SPATA17: variants seen among roughly 807,000 people sequenced by gnomAD.
SPATA17 encodes the protein spermatogenesis-associated protein 17.
Under a neutral mutation model 62.2 loss-of-function variants are expected in SPATA17, and 53 were observed. That is an observed-to-expected ratio of 0.85 (90% CI 0.68 to 1.07). The LOEUF (loss-of-function observed/expected upper bound fraction) is 1.07. Among genes scored for constraint, SPATA17 ranks in the 50% least tolerant of loss-of-function variants. The pLI is 0.00. For synonymous variants in SPATA17, 146 were observed against 146.8 expected (o/e 0.99, Z 0.04); for missense variants, 466 against 425.5 (o/e 1.10, Z -0.84).
intron 8 of SPATA17, among the ~76,000 whole-genome samples, chr1:217,794,165 T>A (rs1674077527): frequency 6.6e-6 from 1 of 151,370 alleles, no homozygotes; most frequent in Non-Finnish European, 1.5e-5. Flanking sequence ...CTAAAAAGGA[T>A]ATCTAGGATT....
intron 9 of SPATA17, 71 bp downstream of exon 9, chr1:217,801,921 T>C: frequency 7.1e-7 from 1 of 1,399,692 alleles, no homozygotes; most frequent in South Asian, 1.3e-5. Context: ...TTAGAGCAAA[T>C]ATAAATATTC....
At chr1:217,814,947 A>C (rs538567515) in intron 9 of SPATA17, among the ~76,000 whole-genome samples, 2 of 152,188 alleles carry the variant, frequency 1.3e-5, no homozygotes, top group Non-Finnish European at 2.9e-5. Context: ...TAAATTCTTC[A>C]TCTGACAAAG....
At chr1:217,719,636 A>T (rs1672080004) in intron 5 of SPATA17, among the ~76,000 whole-genome samples, 1 of 152,234 alleles carries the variant, frequency 6.6e-6, no homozygotes, top group Non-Finnish European at 1.5e-5. Flanking sequence ...AACTGAGAAA[A>T]TATAATATGA....
chr1:217,805,128 C>T (rs1031914286), intron 9 of SPATA17, among the ~76,000 whole-genome samples: 1 of 152,140 alleles, frequency 6.6e-6, no homozygotes, highest in African/African-American at 2.4e-5. Context: ...TGGAATCAAA[C>T]AAATTATTCA....
At chr1:217,834,660 G>A (rs4846443) in intron 9 of SPATA17, among the ~76,000 whole-genome samples, 44,524 of 152,038 alleles carry the variant, frequency 0.29, 7,747 homozygotes, top group Non-Finnish European at 0.38. Flanking sequence ...TTAGAAAAGA[G>A]TGAAAAGTTA....
chr1:217,743,960 A>G (rs1672685535), intron 6 of SPATA17, among the ~76,000 whole-genome samples: 1 of 152,004 alleles, frequency 6.6e-6, no homozygotes, highest in Non-Finnish European at 1.5e-5. Flanking sequence ...TGTTTTTTTC[A>G]AGGTTGTTGA....
At chr1:217,655,584 C>T (rs1000529159) in intron 3 of SPATA17, among the ~76,000 whole-genome samples, 2 of 152,160 alleles carry the variant, frequency 1.3e-5, no homozygotes, top group African/African-American at 4.8e-5. Context: ...TATAGATCTT[C>T]AACAGTGATT....
intron 8 of SPATA17, among the ~76,000 whole-genome samples, chr1:217,793,874 G>A (rs991157774): frequency 3.3e-5 from 5 of 152,006 alleles, no homozygotes; most frequent in Admixed American, 3.3e-4. Flanking sequence ...TCAGCACTTT[G>A]GAAGGCCGCG....
chr1:217,827,729 G>T (rs1454428929), intron 9 of SPATA17, among the ~76,000 whole-genome samples: 2 of 152,228 alleles, frequency 1.3e-5, no homozygotes, highest in East Asian at 1.9e-4. Flanking sequence ...CATGTCCTTT[G>T]CAGGGACATG....
At chr1:217,688,271 A>T (rs1194011172) in intron 5 of SPATA17, among the ~76,000 whole-genome samples, 2 of 152,146 alleles carry the variant, frequency 1.3e-5, no homozygotes, top group Non-Finnish European at 2.9e-5. Context: ...ATTTTTTAAA[A>T]AACTGGTTAT....
At chr1:217,750,350 A>T (rs922765486) in intron 6 of SPATA17, among the ~76,000 whole-genome samples, 2 of 152,024 alleles carry the variant, frequency 1.3e-5, no homozygotes, top group Admixed American at 1.3e-4. Context: ...AATGGACATA[A>T]AATTGGTAAG....
At chr1:217,850,476 G>A in intron 9 of SPATA17, 1 of 1,249,254 alleles carries the variant, frequency 8.0e-7, no homozygotes. Flanking sequence ...AAAGAGTACA[G>A]CCTCTTCTAG....
chr1:217,651,312 T>A, intron 3 of SPATA17, 134 bp downstream of exon 3: 1 of 619,604 alleles, frequency 1.6e-6, no homozygotes, highest in South Asian at 2.9e-5. Flanking sequence ...TTGGGCTTAA[T>A]TTTTAGTATG....
chr1:217,647,413 G>A (rs1193641055), intron 1 of SPATA17, among the ~76,000 whole-genome samples: 4 of 152,224 alleles, frequency 2.6e-5, no homozygotes, highest in Non-Finnish European at 5.9e-5. Context: ...CCTTTGGTAA[G>A]ACAAAGTTGA....
At chr1:217,845,966 A>G (rs1384147849) in intron 9 of SPATA17, among the ~76,000 whole-genome samples, 2 of 152,112 alleles carry the variant, frequency 1.3e-5, no homozygotes, top group East Asian at 3.9e-4. Context: ...ACATTAATAT[A>G]AGATTTCTTG....
intron 1 of SPATA17, among the ~76,000 whole-genome samples, chr1:217,647,231 A>G (rs1670202663): frequency 6.6e-6 from 1 of 152,178 alleles, no homozygotes; most frequent in Admixed American, 6.5e-5. Context: ...ATCATCACCC[A>G]GGGGTTAAGT....
At chr1:217,790,924 T>G (rs143385055) in intron 8 of SPATA17, among the ~76,000 whole-genome samples, 224 of 152,290 alleles carry the variant, frequency 1.5e-3, no homozygotes, top group African/African-American at 4.9e-3. Flanking sequence ...AAAAGAAAAT[T>G]TAACATATCT....
chr1:217,802,078 C>CA (rs1312448549), intron 9 of SPATA17, among the ~76,000 whole-genome samples: 1 of 151,646 alleles, frequency 6.6e-6, no homozygotes, highest in Non-Finnish European at 1.5e-5. Flanking sequence ...GCCCTAGGAT[C>CA]AAAGGCATGG....
At chr1:217,778,614 A>G (rs1673655426) in intron 7 of SPATA17, among the ~76,000 whole-genome samples, 2 of 152,174 alleles carry the variant, frequency 1.3e-5, no homozygotes, top group African/African-American at 2.4e-5. Context: ...TTTTGCATAC[A>G]ACTTTTTAGG....
Sources: allele counts gnomAD v4.1 joint callset (sites outside exome capture counted in the v4.1 genomes callset), GRCh38; gene constraint gnomAD v4.1.1; transcripts MANE v1.5; gene names NCBI Gene and HGNC (gene_info 2026-07-23, HGNC 2026-07-21).